UBE3D: variants seen among roughly 807,000 people sequenced by gnomAD.
The protein encoded by UBE3D is E3 ubiquitin-protein ligase E3D.
In UBE3D, 48 loss-of-function variants were observed where a neutral mutation model predicts 49.6. That is an observed-to-expected ratio of 0.97 (90% CI 0.77 to 1.23). UBE3D has a LOEUF of 1.23. Among genes scored for constraint, UBE3D ranks in the 50% most tolerant of loss-of-function variants. The pLI is 0.00. For synonymous variants in UBE3D, 189 were observed against 174.2 expected (o/e 1.08, Z -0.67); for missense variants, 452 against 468.4 (o/e 0.96, Z 0.32).
intron 9 of UBE3D, among the ~76,000 whole-genome samples, chr6:82,946,395 A>T (rs947911111): frequency 6.6e-6 from 1 of 152,158 alleles, no homozygotes; most frequent in Non-Finnish European, 1.5e-5. Flanking sequence ...TTTACCCTAG[A>T]GTAGTATATC....
chr6:83,033,062 C>T (rs964448722), intron 5 of UBE3D, among the ~76,000 whole-genome samples: 1 of 152,124 alleles, frequency 6.6e-6, no homozygotes, highest in African/African-American at 2.4e-5. Context: ...AGCAAGCCTC[C>T]AGCATTTGCT....
intron 9 of UBE3D, among the ~76,000 whole-genome samples, chr6:82,911,365 T>C (rs1562075147): frequency 6.6e-6 from 1 of 152,174 alleles, no homozygotes; most frequent in East Asian, 1.9e-4. Context: ...AAATGCAGTA[T>C]TTGGGGACAC....
chr6:82,976,659 C>T (rs1233454593), intron 8 of UBE3D, among the ~76,000 whole-genome samples: 1 of 152,182 alleles, frequency 6.6e-6, no homozygotes, highest in Non-Finnish European at 1.5e-5. Context: ...TGGTTTTGTA[C>T]TTCCCCGCTT....
At chr6:83,065,479 G>C (rs1001046874) in intron 1 of UBE3D, among the ~76,000 whole-genome samples, 163 bp downstream of exon 1, 1 of 152,136 alleles carries the variant, frequency 6.6e-6, no homozygotes, top group African/African-American at 2.4e-5. Flanking sequence ...GGGAGTGGCG[G>C]AGCCGACTAC....
intron 5 of UBE3D, among the ~76,000 whole-genome samples, chr6:83,029,335 G>T (rs892986727): frequency 1.3e-5 from 2 of 152,048 alleles, no homozygotes; most frequent in African/African-American, 4.8e-5. Context: ...GGATTAATCT[G>T]TAAGTTCAAT....
intron 3 of UBE3D, among the ~76,000 whole-genome samples, chr6:83,048,441 T>C (rs1301409566): frequency 6.6e-6 from 1 of 152,204 alleles, no homozygotes; most frequent in Admixed American, 6.5e-5. Context: ...TAAGATCTTT[T>C]GTCTCCTGAC....
intron 9 of UBE3D, among the ~76,000 whole-genome samples, chr6:82,951,455 C>G (rs935558080): frequency 1.3e-5 from 2 of 152,174 alleles, no homozygotes; most frequent in Non-Finnish European, 2.9e-5. Context: ...GTTTCCTCCA[C>G]TCAGGGACCA....
intron 5 of UBE3D, among the ~76,000 whole-genome samples, chr6:83,032,023 C>T (rs997110629): frequency 6.6e-6 from 1 of 152,200 alleles, no homozygotes; most frequent in Admixed American, 6.5e-5. Flanking sequence ...GGCCGCAGCC[C>T]TCATGGAGAA....
chr6:83,064,312 C>T (rs1414947220), intron 1 of UBE3D, among the ~76,000 whole-genome samples: 1 of 152,184 alleles, frequency 6.6e-6, no homozygotes, highest in African/African-American at 2.4e-5. Flanking sequence ...CAACCTCCGC[C>T]TCCCGGGTTC....
chr6:82,884,530 T>C, the UBE3D span, among the ~76,000 whole-genome samples: 2 of 152,166 alleles, frequency 1.3e-5, no homozygotes, highest in African/African-American at 4.8e-5. Context: ...TTCCTGCTCA[T>C]TTCACCTCAT....
At chr6:83,030,047 A>C (rs537334136) in intron 5 of UBE3D, among the ~76,000 whole-genome samples, 1 of 152,156 alleles carries the variant, frequency 6.6e-6, no homozygotes, top group South Asian at 2.1e-4. Flanking sequence ...TACTGAAAAT[A>C]CATATAATAG....
chr6:82,921,799 T>G (rs1773363809), intron 9 of UBE3D, among the ~76,000 whole-genome samples: 1 of 152,188 alleles, frequency 6.6e-6, no homozygotes, highest in African/African-American at 2.4e-5. Context: ...GAACATGAGC[T>G]TGCCATCATA....
intron 8 of UBE3D, among the ~76,000 whole-genome samples, chr6:82,991,656 G>A (rs1181359454): frequency 1.3e-5 from 2 of 151,860 alleles, no homozygotes; most frequent in East Asian, 1.9e-4. Flanking sequence ...ACATAAGAAG[G>A]TAAAAAAGGA....
At chr6:82,948,526 T>C (rs1775563577) in intron 9 of UBE3D, among the ~76,000 whole-genome samples, 2 of 151,656 alleles carry the variant, frequency 1.3e-5, no homozygotes, top group African/African-American at 2.4e-5. Flanking sequence ...CCAGAAGTAT[T>C]ACCTTGACAC....
At position 82,986,483 on chromosome 6, in the gene UBE3D, A is replaced by C. The variant is rs1778510466; in HGVS notation, c.1011-29033T>G. 2.0e-5 allele frequency among the ~76,000 whole-genome samples: 3 copies of C among 149,916 alleles called. No individual in the cohort carries two copies. The South Asian group carries it at 6.3e-4, about 31-fold the overall frequency. On this transcript the variant is annotated intron_variant, in intron 8 of 9. Coordinates refer to ENST00000369747, the MANE Select transcript of UBE3D (RefSeq NM_198920.3). Reference sequence around the variant, plus strand: ...AACACTCTGTCTCAAAAAAAAAAAAAAAAAAAAAAAAAAAACTTTTGTACT... The same window carrying C: ...AACACTCTGTCTCAAAAAAAAAAAACAAAAAAAAAAAAAAACTTTTGTACT...
intron 9 of UBE3D, among the ~76,000 whole-genome samples, chr6:82,954,527 G>A (rs763863143): frequency 6.6e-6 from 1 of 152,086 alleles, no homozygotes; most frequent in South Asian, 2.1e-4. Flanking sequence ...TAAAATGACA[G>A]CTTTACAGAA....
At chr6:82,927,275 T>A (rs532951034) in intron 9 of UBE3D, among the ~76,000 whole-genome samples, 3 of 151,736 alleles carry the variant, frequency 2.0e-5, no homozygotes, top group Non-Finnish European at 2.9e-5. Context: ...TTATAGTAAG[T>A]CTTAAAGTAG....
At chr6:83,033,546 G>T (rs1201027401) in intron 5 of UBE3D, among the ~76,000 whole-genome samples, 1 of 152,036 alleles carries the variant, frequency 6.6e-6, no homozygotes, top group Non-Finnish European at 1.5e-5. Context: ...TACTCATGAT[G>T]GTGAGTGAGT....
chr6:82,910,065 G>T (rs1024548085), intron 9 of UBE3D, among the ~76,000 whole-genome samples: 7 of 152,120 alleles, frequency 4.6e-5, no homozygotes, highest in African/African-American at 1.2e-4. Context: ...CTTAGACTGG[G>T]ATTCAAGAAA....
Sources: gnomAD v4.1 joint callset for allele counts (sites outside exome capture counted in the v4.1 genomes callset) on GRCh38, gnomAD v4.1.1 for gene constraint, MANE v1.5 for transcripts, NCBI Gene and HGNC (gene_info 2026-07-23, HGNC 2026-07-21) for gene names.